Variants in KCNU1 observed in about 807,000 individuals in gnomAD.
KCNU1 encodes the protein potassium channel subfamily U member 1.
Under a neutral mutation model 126.8 loss-of-function variants are expected in KCNU1, and 93 were observed. That is an observed-to-expected ratio of 0.73 (90% CI 0.62 to 0.87). The LOEUF is 0.87. Among genes scored for constraint, KCNU1 ranks in the 40% least tolerant of loss-of-function variants. KCNU1 has a pLI of 0.00. For missense variants in KCNU1, 1,330 were observed against 1,367.1 expected (o/e 0.97, Z 0.43); for synonymous variants, 523 against 494.2 (o/e 1.06, Z -0.77).
chr8:36,838,220 A>G (rs1340473716), intron 14 of KCNU1, among the ~76,000 whole-genome samples: 7 of 152,218 alleles, frequency 4.6e-5, no homozygotes, highest in African/African-American at 1.7e-4. Context: ...ATTGTGTTGT[A>G]TATTTAGAAA....
chr8:36,887,442 G>GTTT (rs71278791), intron 19 of KCNU1, among the ~76,000 whole-genome samples: 4 of 124,956 alleles, frequency 3.2e-5, no homozygotes, highest in Admixed American at 2.5e-4. Flanking sequence ...TTGGCCATTT[G>GTTT]TTTTTTTTTG....
At chr8:36,856,889 G>C (rs976011617) in intron 18 of KCNU1, among the ~76,000 whole-genome samples, 1 of 152,188 alleles carries the variant, frequency 6.6e-6, no homozygotes, top group African/African-American at 2.4e-5. Flanking sequence ...GGAGTTACTA[G>C]CCTCTAATTA....
chr8:36,844,380 CA>C (rs202234667), intron 16 of KCNU1, among the ~76,000 whole-genome samples: 1 of 122,946 alleles, frequency 8.1e-6, no homozygotes, highest in African/African-American at 3.1e-5. Flanking sequence ...AACTCCGTCT[CA>C]AAAAAAAACA....
intron 10 of KCNU1, among the ~76,000 whole-genome samples, chr8:36,833,322 AGTT>A (rs1211315832): frequency 6.6e-6 from 1 of 152,174 alleles, no homozygotes; most frequent in African/African-American, 2.4e-5. Context: ...TTAAATGCAT[AGTT>A]GATTTAAAAT....
At chr8:36,932,856 T>G in intron 25 of KCNU1, 64 bp from the exon 26 acceptor site, 26 of 902,902 alleles carry the variant, frequency 2.9e-5, no homozygotes, top group Non-Finnish European at 4.3e-5. Context: ...GACACTCCAG[T>G]GAGTGCTTAT....
At position 36,904,686 on chromosome 8, in the gene KCNU1, A is replaced by G. The variant is rs1807552052; in HGVS notation, c.2010-1022A>G. 2.0e-5 allele frequency among the ~76,000 whole-genome samples: 3 copies of G among 152,128 alleles called. No individual in the cohort carries two copies. In the South Asian group the frequency reaches 6.2e-4, roughly 32 times the overall value. ...GAAATGAAGTGAGTCACCCTGAGCCAAGGCAGTTAGAGGCCTAGGCTTGGT... is the reference window on the plus strand; with the variant it reads ...GAAATGAAGTGAGTCACCCTGAGCCGAGGCAGTTAGAGGCCTAGGCTTGGT... On this transcript the variant is annotated intron_variant, in intron 19 of 26. Transcript: ENST00000399881.
chr8:36,889,951 GAGTGA>G (rs1806890926), intron 19 of KCNU1, among the ~76,000 whole-genome samples: 1 of 152,104 alleles, frequency 6.6e-6, no homozygotes, highest in Non-Finnish European at 1.5e-5. Context: ...AGTAAGAACA[GAGTGA>G]AGTGAATTAA....
At chr8:36,897,276 T>C (rs1807232151) in intron 19 of KCNU1, among the ~76,000 whole-genome samples, 2 of 152,000 alleles carry the variant, frequency 1.3e-5, no homozygotes. Context: ...CCCTCTATTG[T>C]AGAAAAATTC....
At chr8:36,818,732 T>A (rs560688200) in intron 10 of KCNU1, among the ~76,000 whole-genome samples, 2 of 152,228 alleles carry the variant, frequency 1.3e-5, no homozygotes, top group Admixed American at 6.5e-5. Context: ...CTCCATCTTC[T>A]GGCACTGTGT....
At chr8:36,925,976 C>T (rs1280219599) in intron 24 of KCNU1, among the ~76,000 whole-genome samples, 2 of 152,112 alleles carry the variant, frequency 1.3e-5, no homozygotes, top group Non-Finnish European at 2.9e-5. Flanking sequence ...GACCACAGTT[C>T]TCGTCCCCCA....
At chr8:36,803,421 C>T (rs1803382526) in intron 2 of KCNU1, among the ~76,000 whole-genome samples, 1 of 152,102 alleles carries the variant, frequency 6.6e-6, no homozygotes, top group African/African-American at 2.4e-5. Flanking sequence ...ACCCCCAGGG[C>T]TTTTAATGGA....
intron 19 of KCNU1, among the ~76,000 whole-genome samples, chr8:36,883,131 A>G (rs1806550408): frequency 6.6e-6 from 1 of 152,222 alleles, no homozygotes; most frequent in Non-Finnish European, 1.5e-5. Flanking sequence ...AAAATTCACC[A>G]GGCTGAACAA....
chr8:36,932,289 C>T (rs1157715916), intron 25 of KCNU1, among the ~76,000 whole-genome samples: 1 of 152,104 alleles, frequency 6.6e-6, no homozygotes, highest in Non-Finnish European at 1.5e-5. Context: ...TTCCTGTTGG[C>T]ATCAAAGAGG....
At chr8:36,900,590 A>T (rs954915516) in intron 19 of KCNU1, among the ~76,000 whole-genome samples, 2 of 152,040 alleles carry the variant, frequency 1.3e-5, no homozygotes, top group African/African-American at 2.4e-5. Flanking sequence ...TTTTCCCCAT[A>T]ACATACAGAA....
chr8:36,814,991 C>T (rs926857197), intron 8 of KCNU1, among the ~76,000 whole-genome samples: 1 of 151,944 alleles, frequency 6.6e-6, no homozygotes, highest in African/African-American at 2.4e-5. Flanking sequence ...TTCATTTTTC[C>T]AAGCCCCAAA....
chr8:36,798,631 A>C (rs573759083), intron 2 of KCNU1, among the ~76,000 whole-genome samples: 1 of 152,282 alleles, frequency 6.6e-6, no homozygotes, highest in African/African-American at 2.4e-5. Context: ...ACAGTCTTTT[A>C]CCTTAACCTG....
chr8:36,858,971 G>A (rs533420400), intron 18 of KCNU1, among the ~76,000 whole-genome samples: 1 of 152,222 alleles, frequency 6.6e-6, no homozygotes, highest in East Asian at 1.9e-4. Context: ...GTATTACCAA[G>A]TCTATTCCAC....
intron 19 of KCNU1, among the ~76,000 whole-genome samples, chr8:36,882,102 C>G (rs1182271453): frequency 6.6e-6 from 1 of 152,196 alleles, no homozygotes; most frequent in Non-Finnish European, 1.5e-5. Context: ...TCTTACCACA[C>G]CTCTTGACTC....
chr8:36,849,124 C>T (rs1051449140), intron 18 of KCNU1, among the ~76,000 whole-genome samples: 1 of 152,094 alleles, frequency 6.6e-6, no homozygotes, highest in East Asian at 1.9e-4. Context: ...CTTCCTTCTC[C>T]TCAACCCACA....
Sources: allele counts gnomAD v4.1 joint callset (sites outside exome capture counted in the v4.1 genomes callset), GRCh38; gene constraint gnomAD v4.1.1; transcripts MANE v1.5; gene names NCBI Gene and HGNC (gene_info 2026-07-23, HGNC 2026-07-21).